The following ZNF34 variants were observed in gnomAD, a reference collection of about 807,000 sequenced individuals.
The protein encoded by ZNF34 is zinc finger protein 34 (KOX 32).
Under a neutral mutation model 14.4 loss-of-function variants are expected in ZNF34, and 8 were observed. The observed-to-expected ratio is 0.55, with a 90% confidence interval of 0.33 to 1.00. ZNF34 has a LOEUF of 1.00. Among genes scored for constraint, ZNF34 ranks in the 50% least tolerant of loss-of-function variants. The probability of loss-of-function intolerance (pLI) is 0.03; values close to 1 mark genes in which losing one functional copy is unlikely to be tolerated. For missense variants in ZNF34, 538 were observed against 674.2 expected (o/e 0.80, Z 2.24); for synonymous variants, 235 against 247.9 (o/e 0.95, Z 0.49).
In ZNF34 at chr8:144,777,622, C is replaced by A; in HGVS notation, c.161-45G>T. On this transcript the variant is annotated intron_variant, in intron 4 of 5. Coordinates refer to ENST00000429371, the MANE Select transcript of ZNF34 (RefSeq NM_001286769.2). This position sits in a 1 kb window ranked among gnomAD's most constrained non-coding sequence, Gnocchi z 4.8. ...TGGGGTTGGTACCAAGGACACAGGG[C>A]AGCACCTAGTGCTGTCTCACCCTGG... The A allele has an allele frequency of 6.5e-7, 1 of 1,546,262 alleles. No homozygotes were observed. Among genetic ancestry groups the A allele is most frequent in the Non-Finnish European group, 8.7e-7 (1 of 1,145,074 alleles).
intron 1 of ZNF34, among the ~76,000 whole-genome samples, chr8:144,786,097 G>T (rs1469635376): frequency 2.7e-5 from 4 of 145,906 alleles, no homozygotes; most frequent in East Asian, 2.1e-4. Flanking sequence ...TCATTCTCCT[G>T]CCTCAGCCTC....
intron 5 of ZNF34, 71 bp from the exon 6 acceptor site, chr8:144,774,676 G>A (rs552670647): frequency 1.3e-6 from 2 of 1,518,610 alleles, no homozygotes; most frequent in South Asian, 1.3e-5. Context: ...GATGCTGCTG[G>A]CCACCTGTGG....
At chr8:144,780,006 T>C (rs1825762748) in intron 2 of ZNF34, among the ~76,000 whole-genome samples, 1 of 125,686 alleles carries the variant, frequency 8.0e-6, no homozygotes, top group Non-Finnish European at 1.6e-5. Context: ...CTGGGCAACA[T>C]AGGGAGACCT....
chr8:144,782,625 C>T (rs1825958908), intron 1 of ZNF34, among the ~76,000 whole-genome samples: 1 of 151,622 alleles, frequency 6.6e-6, no homozygotes, highest in Non-Finnish European at 1.5e-5. Flanking sequence ...ATCTCTTGAG[C>T]CCAGGAGTTC....
Position 144,772,840 on chromosome 8 carries a change from G to A in ZNF34, c.*426C>T, listed in dbSNP as rs1825250675. Among the ~76,000 whole-genome samples, 1 of 152,138 alleles carries A rather than the reference G, an allele frequency of 6.6e-6. No individual in the cohort carries two copies. The highest frequency in any genetic ancestry group is 1.5e-5 in the Non-Finnish European group (1 of 68,032). ...CAGGCATGAGCCACCACACCTGGCCGATGCTTTTAAATTTACAATATGTAA... is the reference window on the plus strand; with the variant it reads ...CAGGCATGAGCCACCACACCTGGCCAATGCTTTTAAATTTACAATATGTAA... On this transcript the variant is annotated 3_prime_UTR_variant, in exon 6 of 6. Transcript: ENST00000429371.
chr8:144,777,669 C>T lies in ZNF34; in HGVS notation c.161-92G>A, dbSNP rs963750433. 2.1e-6 allele frequency: 3 copies of T among 1,448,938 alleles called. No homozygotes were observed. The highest frequency in any genetic ancestry group is 2.1e-5 in the Admixed American group (1 of 47,152). The allele number at this position is 1,448,938 out of a possible 1,614,324, so 89.8% of individuals were successfully genotyped here. ...CTGGGGCTGCAGGGTAAGGGAGGCA[C>T]AGGCAGAGGGGGTGATGGAAGCCTG... is the stretch of plus-strand genomic sequence containing the variant. On this transcript the variant is annotated intron_variant, in intron 4 of 5. Coordinates refer to ENST00000429371, the MANE Select transcript of ZNF34 (RefSeq NM_001286769.2). The surrounding 1 kb of genome is among the most constrained non-coding windows in gnomAD (Gnocchi z 4.8).
At position 144,773,791 on chromosome 8, in the gene ZNF34, G is replaced by A. The variant is rs751344003; in HGVS notation, c.1095C>T (p.Thr365=). 16 of 1,614,008 alleles carry A rather than the reference G, an allele frequency of 9.9e-6. No homozygotes were observed. The highest frequency in any genetic ancestry group is 1.3e-5 in the African/African-American group (1 of 75,002). The change falls in exon 6 of 6, where the codon ACC becomes ACT. Residue 365 remains threonine, a synonymous_variant. Transcript: ENST00000429371. This position sits in a 1 kb window ranked among gnomAD's most constrained non-coding sequence, Gnocchi z 5.4. Reference sequence around the variant, plus strand: ...CCTTGCACTCAAATGGCTTCTCTCCGGTGTGAGTCCGACGATGTCGGATAA... The same window carrying A: ...CCTTGCACTCAAATGGCTTCTCTCCAGTGTGAGTCCGACGATGTCGGATAA... ...SILIRHRRTH[T]GEKPFECKEC...
Position 144,774,621 on chromosome 8 carries a change from G to C in ZNF34, c.281-16C>G. On this transcript the variant is annotated splice_polypyrimidine_tract_variant and intron_variant, in intron 5 of 5. Transcript: ENST00000429371. Reference sequence around the variant, plus strand: ...GTCCCAAGAGCTGAAACAAAAAACAGAACATCTAAGGGTCACCTGCTCTGA... The same window carrying C: ...GTCCCAAGAGCTGAAACAAAAAACACAACATCTAAGGGTCACCTGCTCTGA... The C allele has an allele frequency of 6.2e-7, 1 of 1,600,828 alleles. No homozygotes were observed. Among genetic ancestry groups the C allele is most frequent in the Admixed American group, 1.7e-5 (1 of 58,670 alleles).
chr8:144,785,838 T>C (rs1218752649), intron 1 of ZNF34, among the ~76,000 whole-genome samples: 1 of 151,968 alleles, frequency 6.6e-6, no homozygotes, highest in Non-Finnish European at 1.5e-5. Context: ...TGTTACCATG[T>C]GCCTGTGTAG....
At chr8:144,784,635 G>A (rs1826111690) in intron 1 of ZNF34, among the ~76,000 whole-genome samples, 1 of 151,908 alleles carries the variant, frequency 6.6e-6, no homozygotes, top group African/African-American at 2.4e-5. Context: ...GCGGGCACCT[G>A]TAATCCCAGC....
In ZNF34 at chr8:144,778,523, G is replaced by T; in HGVS notation, c.-52C>A. ...CAGTGAGCAGGAGCTGGTCACTGAGGAGCTGAGGGAAGAGAACGCAACAAG... is the reference window on the plus strand; with the variant it reads ...CAGTGAGCAGGAGCTGGTCACTGAGTAGCTGAGGGAAGAGAACGCAACAAG... On this transcript the variant is annotated splice_region_variant and 5_prime_UTR_variant, in exon 3 of 6. Coordinates refer to ENST00000429371, the MANE Select transcript of ZNF34 (RefSeq NM_001286769.2). The T allele has an allele frequency of 1.3e-6, 2 of 1,569,964 alleles. No individual in the cohort carries two copies. The highest frequency in any genetic ancestry group is 1.7e-6 in the Non-Finnish European group (2 of 1,158,594).
At position 144,778,541 on chromosome 8, in the gene ZNF34, G is replaced by A. The variant is rs773115317; in HGVS notation, c.-54-16C>T. 1.3e-4 allele frequency: 203 copies of A among 1,540,270 alleles called. 1 individual carries two copies. In the Middle Eastern group the frequency reaches 3.6e-3, roughly 27 times the overall value. Reference sequence around the variant, plus strand: ...CACTGAGGAGCTGAGGGAAGAGAACGCAACAAGTGGAGGCCCAGTCTGGCC... The same window carrying A: ...CACTGAGGAGCTGAGGGAAGAGAACACAACAAGTGGAGGCCCAGTCTGGCC... On this transcript the variant is annotated splice_polypyrimidine_tract_variant and intron_variant, in intron 2 of 5. Transcript: ENST00000429371.
chr8:144,784,076 C>T (rs1237065710), intron 1 of ZNF34, among the ~76,000 whole-genome samples: 3 of 151,546 alleles, frequency 2.0e-5, no homozygotes, highest in Non-Finnish European at 4.4e-5. Flanking sequence ...AGGAGAATGG[C>T]GCGAACCCGG....
intron 1 of ZNF34, among the ~76,000 whole-genome samples, chr8:144,783,125 A>C (rs1306370861): frequency 6.6e-6 from 1 of 151,444 alleles, no homozygotes; most frequent in African/African-American, 2.4e-5. Context: ...ACAAAAAATA[A>C]AAAAAATTAG....
chr8:144,778,098 C>G lies in ZNF34; in HGVS notation c.100G>C (p.Ala34Pro), dbSNP rs1323293901. Residue 34 changes from alanine (A) to proline (P), a missense_variant, in exon 4 of 6, where the codon GCT becomes CCT. Physicochemically the swap from Ala to Pro is conservative, Grantham distance 27. This residue lies in a region of ZNF34 where 431 missense variants were observed against 525.7 expected (regional missense o/e 0.82). Coordinates refer to ENST00000429371, the MANE Select transcript of ZNF34 (RefSeq NM_001286769.2). ...SREEWGRLGP[A>P]QRGLYRDVML... ...ACGTCCCTGTAGAGGCCCCTCTGAG[C>G]AGGGCCCAGGCGGCCCCATTCCTCC... 1 of 1,613,942 alleles carries G rather than the reference C, an allele frequency of 6.2e-7. No homozygotes were observed. Among genetic ancestry groups the G allele is most frequent in the African/African-American group, 1.3e-5 (1 of 74,930 alleles).
chr8:144,775,554 A>C (rs1179583556), intron 5 of ZNF34, among the ~76,000 whole-genome samples: 2 of 152,150 alleles, frequency 1.3e-5, no homozygotes, highest in Non-Finnish European at 2.9e-5. Flanking sequence ...CCACACTGCT[A>C]CTCCATGAAA....
Position 144,774,312 on chromosome 8 carries a change from G to T in ZNF34, c.574C>A (p.His192Asn), listed in dbSNP as rs1173589523. ...TTTTTTGACCTGTGTACACGCTTAT[G>T]GTTGTTGAGATATGATCTCTGTTCA... ...SFEQRSYLNN[H>N]KRVHRSKKTN... Residue 192 changes from histidine to asparagine, a missense_variant, in exon 6 of 6, where the codon CAT becomes AAT. Coordinates refer to ENST00000429371, the MANE Select transcript of ZNF34 (RefSeq NM_001286769.2). 1 of 1,612,430 alleles carries T rather than the reference G, an allele frequency of 6.2e-7. No individual in the cohort carries two copies. Among genetic ancestry groups the T allele is most frequent in the Non-Finnish European group, 8.5e-7 (1 of 1,179,210 alleles).
chr8:144,781,926 C>A (rs1452880523), intron 1 of ZNF34, among the ~76,000 whole-genome samples: 2 of 152,208 alleles, frequency 1.3e-5, no homozygotes, highest in Non-Finnish European at 1.5e-5. Flanking sequence ...TGGCTCACGT[C>A]TATAATCCCA....
In ZNF34 at chr8:144,773,475, G is replaced by C. The variant is rs368861579; in HGVS notation, c.1411C>G (p.His471Asp). 2 of 1,613,948 alleles carry C rather than the reference G, an allele frequency of 1.2e-6. No individual in the cohort carries two copies. Among genetic ancestry groups the C allele is most frequent in the Non-Finnish European group, 1.7e-6 (2 of 1,179,990 alleles). ...TCTCCGTGGTGCAGCCTCTGGTGGT[G>C]GATGAGTCTGGAACTGTTGTGGAAG... ...KAFHNSSRLI[H>D]HQRLHHGEKP... Residue 471 changes from histidine (H) to aspartate (D), a missense_variant, in exon 6 of 6, where the codon CAC (histidine) becomes GAC (aspartate). Physicochemically the swap from His to Asp is moderately conservative, Grantham distance 81. This residue lies in a region of ZNF34 where 101 missense variants were observed against 123.1 expected (regional missense o/e 0.82). Coordinates refer to ENST00000429371, the MANE Select transcript of ZNF34 (RefSeq NM_001286769.2). This position sits in a 1 kb window ranked among gnomAD's most constrained non-coding sequence, Gnocchi z 5.4.
Sources: gnomAD v4.1 joint callset for allele counts (sites outside exome capture counted in the v4.1 genomes callset) on GRCh38, gnomAD v4.1.1 for gene constraint, gnomAD v4.1.1 regional missense constraint, Gnocchi (gnomAD v3.1) non-coding constraint, MANE v1.5 for transcripts, NCBI Gene and HGNC (gene_info 2026-07-23, HGNC 2026-07-21) for gene names.